Variants in NDST4 observed in about 807,000 individuals in gnomAD.
NDST4 encodes the protein N-heparan sulfate sulfotransferase 4.
A neutral mutation model predicts 100.8 loss-of-function variants in NDST4; 63 were observed. The ratio of observed to expected loss-of-function variants is 0.62; its 90% CI spans 0.51 to 0.77. The LOEUF (loss-of-function observed/expected upper bound fraction) is 0.77. Among genes scored for constraint, NDST4 ranks in the 30% least tolerant of loss-of-function variants. The pLI is 0.00. For missense variants in NDST4, 943 were observed against 1,018.4 expected, an observed-to-expected ratio of 0.93 and a Z score of 1.01; for synonymous variants, 377 against 361.8, an observed-to-expected ratio of 1.04 and a Z score of -0.48.
chr4:115,005,331 T>G (rs1727389103), intron 2 of NDST4, among the ~76,000 whole-genome samples: 1 of 152,100 alleles, frequency 6.6e-6, no homozygotes, highest in African/African-American at 2.4e-5. Flanking sequence ...GGCCTGCTGA[T>G]AGGGTGGTTT....
intron 4 of NDST4, among the ~76,000 whole-genome samples, chr4:114,960,832 T>A (rs916900033): frequency 6.6e-6 from 1 of 151,998 alleles, no homozygotes; most frequent in Non-Finnish European, 1.5e-5. Context: ...AGTAGAAAAA[T>A]GTCATAGAAG....
chr4:115,057,735 G>GAC (rs35061218), intron 2 of NDST4, among the ~76,000 whole-genome samples: 574 of 141,738 alleles, frequency 4.0e-3, no homozygotes, highest in African/African-American at 0.011. Flanking sequence ...CACACACACA[G>GAC]ACACACACAC....
chr4:114,874,270 G>T (rs965754533), intron 6 of NDST4, among the ~76,000 whole-genome samples: 1 of 152,064 alleles, frequency 6.6e-6, no homozygotes, highest in Non-Finnish European at 1.5e-5. Context: ...TTTCGCAGCA[G>T]ACTGGTTCTA....
intron 1 of NDST4, among the ~76,000 whole-genome samples, chr4:115,086,032 G>T (rs897486723): frequency 6.6e-6 from 1 of 152,060 alleles, no homozygotes; most frequent in African/African-American, 2.4e-5. Flanking sequence ...AAGTGTTTGA[G>T]GAGCACTACT....
intron 6 of NDST4, among the ~76,000 whole-genome samples, chr4:114,884,451 T>G (rs1177270254): frequency 6.6e-6 from 1 of 152,128 alleles, no homozygotes; most frequent in African/African-American, 2.4e-5. Flanking sequence ...TTCCCTTACT[T>G]TAGAGGAAGT....
rs141535492 is a variant in NDST4, at chr4:114,970,753, G to C, written c.1067-169C>G. On this transcript the variant is annotated intron_variant, in intron 3 of 13. Transcript: ENST00000264363. Reference sequence around the variant, plus strand: ...CAGTCTAAAATGAATCAAAGGCAAAGGGACTTGGGATTAGGATGGGGTGAG... The same window carrying C: ...CAGTCTAAAATGAATCAAAGGCAAACGGACTTGGGATTAGGATGGGGTGAG... Among the ~76,000 whole-genome samples, 1,170 of 152,230 alleles carry C rather than the reference G, an allele frequency of 7.7e-3. 10 individuals carry two copies. The highest frequency in any genetic ancestry group is 0.021 in the Admixed American group (318 of 15,286).
At position 114,830,028 on chromosome 4, in the gene NDST4, A is replaced by T. The variant is rs1022137964; in HGVS notation, c.2397-136T>A. The stretch of plus-strand genomic sequence containing the variant: ...AATTCATTTTTACAGATATTTATTT[A>T]GCTGATTTGAGAGAGGCTAACTGAG... On this transcript the variant is annotated intron_variant, in intron 12 of 13. Coordinates refer to ENST00000264363, the MANE Select transcript of NDST4 (RefSeq NM_022569.3). 9 of 656,858 alleles carry T rather than the reference A, an allele frequency of 1.4e-5. No individual in the cohort carries two copies. The African/African-American group carries it at 1.7e-4, about 12-fold the overall frequency. The allele number at this position is 656,858 out of a possible 1,614,324, so 40.7% of individuals were successfully genotyped here. A position where few individuals can be genotyped will look rare whatever the true frequency, so the allele number is the denominator to read the frequency against.
intron 6 of NDST4, among the ~76,000 whole-genome samples, chr4:114,913,410 T>C (rs1269278531): frequency 1.3e-5 from 2 of 152,026 alleles, no homozygotes; most frequent in African/African-American, 2.4e-5. Flanking sequence ...GTATATAAAA[T>C]AAAATGTCTT....
intron 6 of NDST4, among the ~76,000 whole-genome samples, chr4:114,913,731 G>GAAAAA (rs56189208): frequency 1.6e-5 from 2 of 125,944 alleles, no homozygotes; most frequent in African/African-American, 5.4e-5. Context: ...CTATCTCCAA[G>GAAAAA]AAAAAAAAAA....
At chr4:114,936,027 G>A (rs1392211332) in intron 5 of NDST4, among the ~76,000 whole-genome samples, 1 of 150,770 alleles carries the variant, frequency 6.6e-6, no homozygotes, top group Non-Finnish European at 1.5e-5. Flanking sequence ...TTATCATAAG[G>A]GTTAATATTA....
intron 2 of NDST4, among the ~76,000 whole-genome samples, chr4:115,014,309 C>T (rs1177263525): frequency 6.6e-6 from 1 of 152,010 alleles, no homozygotes; most frequent in Non-Finnish European, 1.5e-5. Flanking sequence ...TAGTTTATTA[C>T]ATTAATGACA....
At chr4:115,103,990 G>T (rs967840717) in intron 1 of NDST4, among the ~76,000 whole-genome samples, 3 of 152,082 alleles carry the variant, frequency 2.0e-5, no homozygotes, top group African/African-American at 7.2e-5. Context: ...GTTACTTATG[G>T]ATCCTTTAAA....
rs183154581 is a variant in NDST4, at chr4:115,101,739, T to C, written c.-247+11705A>G. ...AAAGTGGTGGTGAAGAAGCTGAGAA[T>C]AGTTTGAAGAAAAAGAAAAGGAATT... On this transcript the variant is annotated intron_variant, in intron 1 of 13. Transcript: ENST00000264363. Among the ~76,000 whole-genome samples, 479 of 152,078 alleles carry C rather than the reference T, an allele frequency of 3.1e-3. 1 individual carries two copies. Among genetic ancestry groups the C allele is most frequent in the Non-Finnish European group, 5.9e-3 (402 of 67,954 alleles).
intron 2 of NDST4, among the ~76,000 whole-genome samples, chr4:115,037,656 G>T (rs892762568): frequency 6.6e-6 from 1 of 152,044 alleles, no homozygotes; most frequent in Non-Finnish European, 1.5e-5. Context: ...TCTTGTAAAT[G>T]TTCAGCAATT....
chr4:114,875,676 T>G (rs913248338), intron 6 of NDST4, among the ~76,000 whole-genome samples: 2 of 152,210 alleles, frequency 1.3e-5, no homozygotes, highest in Non-Finnish European at 2.9e-5. Flanking sequence ...TAATTGTTTT[T>G]TGTAACATTT....
Position 115,076,421 on chromosome 4 carries a change from T to C in NDST4, c.616A>G (p.Lys206Glu). 6.2e-7 allele frequency: 1 copy of C among 1,614,006 alleles called. No homozygotes were observed. Among genetic ancestry groups the C allele is most frequent in the Non-Finnish European group, 8.5e-7 (1 of 1,179,972 alleles). ...GGGCCTTTCTCAACCTTGGGGGCTTTGGTAATATGCAGCAAAGGAGATTGA... is the reference window on the plus strand; with the variant it reads ...GGGCCTTTCTCAACCTTGGGGGCTTCGGTAATATGCAGCAAAGGAGATTGA... ...NPQSPLLHIT[K>E]APKVEKGPLP... The change falls in exon 2 of 14, where the codon AAA (lysine) becomes GAA (glutamate). Residue 206 changes from lysine (K) to glutamate (E), a missense_variant. Physicochemically the swap from Lys to Glu is moderately conservative, Grantham distance 56. Coordinates refer to ENST00000264363, the MANE Select transcript of NDST4 (RefSeq NM_022569.3).
intron 2 of NDST4, among the ~76,000 whole-genome samples, chr4:115,005,113 T>C (rs1229009218): frequency 6.6e-6 from 1 of 152,216 alleles, no homozygotes; most frequent in African/African-American, 2.4e-5. Context: ...CTATACTGCC[T>C]ACAAAGAAGA....
intron 4 of NDST4, among the ~76,000 whole-genome samples, chr4:114,956,345 GAC>G (rs1726141503): frequency 6.6e-6 from 1 of 152,162 alleles, no homozygotes; most frequent in Non-Finnish European, 1.5e-5. Context: ...CTTTATTTGA[GAC>G]ACAGTGTGAA....
rs533672261 is a variant in NDST4 at position 115,053,663 on chromosome 4, A to G, written c.978+22396T>C. Among the ~76,000 whole-genome samples the G allele has an allele frequency of 1.1e-4, 17 of 152,238 alleles. No homozygotes were observed. In the South Asian group the frequency reaches 1.9e-3, roughly 17 times the overall value. On this transcript the variant is annotated intron_variant, in intron 2 of 13. Transcript: ENST00000264363. ...AATGTAAAAATCTGTTAGACTATTC[A>G]CCAAAATGTGTTACAATAACTACCG...
Sources: allele counts gnomAD v4.1 joint callset (sites outside exome capture counted in the v4.1 genomes callset), GRCh38; gene constraint gnomAD v4.1.1; transcripts MANE v1.5; gene names NCBI Gene and HGNC (gene_info 2026-07-23, HGNC 2026-07-21).